The following DGKI variants were observed in gnomAD, a reference collection of about 807,000 sequenced individuals.
DGKI encodes diacylglycerol kinase iota.
A neutral mutation model predicts 147.5 loss-of-function variants in DGKI; 55 were observed. The observed-to-expected ratio is 0.37, with a 90% CI of 0.30 to 0.47. The LOEUF (loss-of-function observed/expected upper bound fraction) is 0.47. Ranked by LOEUF, DGKI falls within the 20% of genes least tolerant of loss-of-function variation. The pLI is 1.00. For synonymous variants in DGKI, 469 were observed against 477.1 expected, an observed-to-expected ratio of 0.98 and a Z score of 0.22; for missense variants, 1,007 against 1,323.8, an observed-to-expected ratio of 0.76 and a Z score of 3.71.
At chr7:137,512,844 A>T (rs1816623521) in intron 21 of DGKI, among the ~76,000 whole-genome samples, 1 of 152,160 alleles carries the variant, frequency 6.6e-6, no homozygotes, top group African/African-American at 2.4e-5. Context: ...ATGGCAAAAA[A>T]GTTTATATTA....
rs114204198 is a variant in DGKI at position 137,644,029 on chromosome 7, T to C, written c.804+1443A>G. 2.1e-3 allele frequency among the ~76,000 whole-genome samples: 315 copies of C among 152,106 alleles called. 1 individual carries two copies. The highest frequency in any genetic ancestry group is 7.4e-3 in the African/African-American group (308 of 41,466). On this transcript the variant is annotated intron_variant, in intron 6 of 32. Coordinates refer to ENST00000614521, the MANE Select transcript of DGKI (RefSeq NM_001321708.2). ...TCACATGCATGCACACACACACACA[T>C]GCACACTTATGGGAAAGTTACAGTC... is the stretch of plus-strand genomic sequence containing the variant.
intron 2 of DGKI, among the ~76,000 whole-genome samples, chr7:137,680,123 A>G (rs543652694): frequency 3.9e-5 from 6 of 152,172 alleles, no homozygotes; most frequent in African/African-American, 1.2e-4. Context: ...GTGTCCTTAT[A>G]GAAGAGACAC....
chr7:137,696,995 A>G (rs1372570556), intron 1 of DGKI, among the ~76,000 whole-genome samples: 1 of 152,174 alleles, frequency 6.6e-6, no homozygotes, highest in Non-Finnish European at 1.5e-5. Flanking sequence ...TGAGCCAAGG[A>G]ACACTGAAGA....
At chr7:137,604,046 A>C (rs1301464906) in intron 10 of DGKI, among the ~76,000 whole-genome samples, 1 of 152,182 alleles carries the variant, frequency 6.6e-6, no homozygotes, top group Non-Finnish European at 1.5e-5. Flanking sequence ...AACCAGACCT[A>C]TCACAGGAGC....
At chr7:137,706,207 C>T (rs1794017629) in intron 1 of DGKI, among the ~76,000 whole-genome samples, 1 of 151,848 alleles carries the variant, frequency 6.6e-6, no homozygotes, top group African/African-American at 2.4e-5. Context: ...GTTTATACCA[C>T]AATTTATCAA....
At chr7:137,695,294 T>A (rs753190792) in intron 1 of DGKI, among the ~76,000 whole-genome samples, 3 of 152,242 alleles carry the variant, frequency 2.0e-5, no homozygotes, top group Non-Finnish European at 4.4e-5. Context: ...GGCCTTTACA[T>A]ATTGAAATAT....
chr7:137,678,498 A>T, intron 3 of DGKI, 59 bp downstream of exon 3: 204 of 1,291,642 alleles, frequency 1.6e-4, no homozygotes, highest in Non-Finnish European at 2.2e-4. Flanking sequence ...AGGCAAGGTG[A>T]CCCCTCTATT....
chr7:137,395,547 G>A (rs560440162), intron 32 of DGKI, 51 bp downstream of exon 32: 60 of 1,544,972 alleles, frequency 3.9e-5, no homozygotes, highest in Non-Finnish European at 4.8e-5. Flanking sequence ...AGGCAACAGC[G>A]CCTGCGATCT....
At position 137,846,913 on chromosome 7, in the gene DGKI, GC is replaced by G; in HGVS notation, c.-52del. ...TGTGGGAAACTCCGCTCACTCCCCC[GC>G]CCCGGCCAATCAGAGGCCGCCGCTC... On this transcript the variant is annotated 5_prime_UTR_variant, in exon 1 of 33. Coordinates refer to ENST00000614521, the MANE Select transcript of DGKI (RefSeq NM_001321708.2). The surrounding 1 kb of genome is among the most constrained non-coding windows in gnomAD (Gnocchi z 4.0). 2.7e-6 allele frequency: 3 copies of G among 1,102,360 alleles called. No individual in the cohort carries two copies. Among genetic ancestry groups the G allele is most frequent in the South Asian group, 4.3e-5 (1 of 23,132 alleles). The allele number at this position is 1,102,360 out of a possible 1,614,324, so 68.3% of individuals were successfully genotyped here.
At chr7:137,477,853 G>A (rs1422948415) in intron 23 of DGKI, among the ~76,000 whole-genome samples, 1 of 152,034 alleles carries the variant, frequency 6.6e-6, no homozygotes, top group Non-Finnish European at 1.5e-5. Flanking sequence ...TACAGACGGG[G>A]TTTCACCATG....
chr7:137,472,496 T>A (rs1329707415), intron 23 of DGKI, among the ~76,000 whole-genome samples: 1 of 144,604 alleles, frequency 6.9e-6, no homozygotes, highest in Non-Finnish European at 1.5e-5. Flanking sequence ...TATATACACG[T>A]GTATATATTT....
chr7:137,392,507 C>A (rs1367681291), intron 32 of DGKI, among the ~76,000 whole-genome samples: 1 of 152,206 alleles, frequency 6.6e-6, no homozygotes, highest in Non-Finnish European at 1.5e-5. Flanking sequence ...TCTCAGCTTT[C>A]ATCTCGGCTA....
chr7:137,784,806 T>A (rs1158830344), intron 1 of DGKI, among the ~76,000 whole-genome samples: 1 of 151,878 alleles, frequency 6.6e-6, no homozygotes, highest in Non-Finnish European at 1.5e-5. Flanking sequence ...AAACTGTAAA[T>A]CAACTCCAAA....
intron 1 of DGKI, among the ~76,000 whole-genome samples, chr7:137,801,196 A>G (rs1364462064): frequency 2.0e-5 from 3 of 152,202 alleles, no homozygotes; most frequent in African/African-American, 7.2e-5. Context: ...ATGAAGCATG[A>G]CTCATGGCTC....
At chr7:137,596,276 G>A (rs1385478349) in intron 12 of DGKI, among the ~76,000 whole-genome samples, 1 of 152,170 alleles carries the variant, frequency 6.6e-6, no homozygotes, top group African/African-American at 2.4e-5. Flanking sequence ...ATGTGAGTGA[G>A]ATGCTGAAGT....
In DGKI at chr7:137,450,794, T is replaced by C. The variant is rs148183625; in HGVS notation, c.2736-6692A>G. Among the ~76,000 whole-genome samples the C allele has an allele frequency of 3.8e-3, 572 of 151,160 alleles. 3 individuals carry two copies. The highest frequency in any genetic ancestry group is 0.011 in the African/African-American group (466 of 41,378). ...ATATACATATCTTTATATATACACA[T>C]ATATATATATTTTACTTTGGATTTA... On this transcript the variant is annotated intron_variant, in intron 27 of 32. Coordinates refer to ENST00000614521, the MANE Select transcript of DGKI (RefSeq NM_001321708.2).
chr7:137,741,978 T>C (rs1795185238), intron 1 of DGKI, among the ~76,000 whole-genome samples: 2 of 152,206 alleles, frequency 1.3e-5, no homozygotes, highest in African/African-American at 2.4e-5. Flanking sequence ...ATATTAGCCT[T>C]ATGGATAGCT....
At chr7:137,453,499 C>A (rs1301466344) in intron 27 of DGKI, among the ~76,000 whole-genome samples, 1 of 152,176 alleles carries the variant, frequency 6.6e-6, no homozygotes, top group East Asian at 1.9e-4. Context: ...GTGAATATTT[C>A]TCTTAAAACA....
intron 28 of DGKI, among the ~76,000 whole-genome samples, chr7:137,431,580 G>A (rs559663421): frequency 1.3e-5 from 2 of 152,312 alleles, no homozygotes; most frequent in East Asian, 3.9e-4. Flanking sequence ...CAATATACTG[G>A]AATTCATAAG....
Sources: gnomAD v4.1 joint callset for allele counts (sites outside exome capture counted in the v4.1 genomes callset) on GRCh38, gnomAD v4.1.1 for gene constraint, Gnocchi (gnomAD v3.1) non-coding constraint, MANE v1.5 for transcripts, NCBI Gene and HGNC (gene_info 2026-07-23, HGNC 2026-07-21) for gene names.